Variants in CECR2 observed in about 807,000 individuals in gnomAD.
CECR2 encodes the protein CECR2 histone acetyl-lysine reader, also known as chromatin remodeling regulator CECR2.
A neutral mutation model predicts 154.5 loss-of-function variants in CECR2; 30 were observed. That is an observed-to-expected ratio of 0.19 (90% confidence interval 0.15 to 0.26). The LOEUF (loss-of-function observed/expected upper bound fraction) is 0.26. Ranked by LOEUF, CECR2 falls within the 10% of genes least tolerant of loss-of-function variation. CECR2 has a pLI of 1.00. For missense variants in CECR2, 1,743 were observed against 1,829.3 expected, an observed-to-expected ratio of 0.95 and a Z score of 0.86; for synonymous variants, 725 against 683.7, an observed-to-expected ratio of 1.06 and a Z score of -0.94.
At chr22:17,489,599 G>A (rs2146841295) in intron 2 of CECR2, among the ~76,000 whole-genome samples, 1 of 152,132 alleles carries the variant, frequency 6.6e-6, no homozygotes, top group South Asian at 2.1e-4. Context: ...GGGACTATAG[G>A]TATGCTCCAT....
chr22:17,434,691 T>C (rs1021593161), intron 1 of CECR2, among the ~76,000 whole-genome samples: 2 of 146,988 alleles, frequency 1.4e-5, no homozygotes, highest in Admixed American at 6.8e-5. Context: ...CTGTCTTGTT[T>C]TATGTTCTGT....
chr22:17,435,089 CCT>C (rs2054483200), intron 1 of CECR2, among the ~76,000 whole-genome samples: 1 of 152,116 alleles, frequency 6.6e-6, no homozygotes, highest in African/African-American at 2.4e-5. Context: ...GAGGCAGCCC[CCT>C]GTTAGTGCCA....
At chr22:17,548,015 A>T (rs2056640244) in intron 16 of CECR2, 133 bp from the exon 17 acceptor site, 1 of 807,092 alleles carries the variant, frequency 1.2e-6, no homozygotes, top group Non-Finnish European at 1.9e-6. Context: ...TCTTTCAGGG[A>T]CTCAAACAAT....
intron 16 of CECR2, among the ~76,000 whole-genome samples, chr22:17,546,996 G>A (rs1350956857): frequency 6.9e-5 from 9 of 130,642 alleles, no homozygotes; most frequent in Admixed American, 6.3e-4. Context: ...CCAAGATCAC[G>A]CCACTGCACT....
At position 17,449,608 on chromosome 22, in the gene CECR2, G is replaced by T. The variant is rs190662482; in HGVS notation, c.127-27980G>T. ...AGGTTCACGCCATTCTCCTGCCTCA[G>T]CTTCCCGAGTAGCTGGGACTACAGG... is the stretch of plus-strand genomic sequence containing the variant. On this transcript the variant is annotated intron_variant, in intron 1 of 18. Transcript: ENST00000262608. Among the ~76,000 whole-genome samples the T allele has an allele frequency of 7.5e-5, 11 of 146,472 alleles. No individual in the cohort carries two copies. In the East Asian group the frequency reaches 1.8e-3, roughly 25 times the overall value.
chr22:17,395,914 G>C (rs925245432), intron 1 of CECR2, among the ~76,000 whole-genome samples: 4 of 151,732 alleles, frequency 2.6e-5, no homozygotes, highest in African/African-American at 9.7e-5. Context: ...TCATTCCTGG[G>C]TTCTTTCACT....
rs553245039 is a variant in CECR2, at chr22:17,503,200, C to CT, written c.700+74dup. The CT allele has an allele frequency of 3.6e-4, 518 of 1,425,250 alleles. 1 individual carries two copies. In the African/African-American group the frequency reaches 6.0e-3, roughly 17 times the overall value. 88.3% of individuals were successfully genotyped at this position (1,425,250 alleles called of 1,614,324 possible). A position where few individuals can be genotyped will look rare whatever the true frequency, so the allele number is the denominator to read the frequency against. On this transcript the variant is annotated intron_variant, in intron 6 of 18. Coordinates refer to ENST00000262608, the MANE Select transcript of CECR2 (RefSeq NM_001290047.2). ...ATTCATTTATGCTAGGGTGTTGACT[C>CT]TTTTTCTAGAGTCATACAAAGTAAA...
intron 1 of CECR2, among the ~76,000 whole-genome samples, chr22:17,409,124 G>GTT (rs201779763): frequency 2.7e-5 from 4 of 150,442 alleles, no homozygotes; most frequent in African/African-American, 9.8e-5. Flanking sequence ...TTGTTTTCTT[G>GTT]TTTTTTTTTG....
intron 1 of CECR2, among the ~76,000 whole-genome samples, chr22:17,379,812 A>G (rs1159289728): frequency 1.3e-5 from 2 of 151,976 alleles, no homozygotes; most frequent in Non-Finnish European, 2.9e-5. Context: ...TTGGGGAGCA[A>G]ACGGTATTGT....
chr22:17,439,817 T>G (rs139919466), intron 1 of CECR2, among the ~76,000 whole-genome samples: 3 of 152,290 alleles, frequency 2.0e-5, no homozygotes, highest in Admixed American at 2.0e-4. Flanking sequence ...CTGTGTGGCC[T>G]AAAATGGAGA....
intron 1 of CECR2, chr22:17,477,246 T>C (rs1017082136): frequency 1.5e-6 from 1 of 665,330 alleles, no homozygotes; most frequent in East Asian, 2.7e-5. Context: ...ACAGCACATT[T>C]GTATTTATAC....
intron 1 of CECR2, among the ~76,000 whole-genome samples, chr22:17,375,911 CG>C (rs1436743892): frequency 1.3e-5 from 2 of 151,068 alleles, no homozygotes; most frequent in Admixed American, 1.3e-4. Flanking sequence ...GCTGAGATCG[CG>C]CCATTGCACT....
chr22:17,421,695 A>C (rs2054254570), intron 1 of CECR2, among the ~76,000 whole-genome samples: 1 of 142,900 alleles, frequency 7.0e-6, no homozygotes. Flanking sequence ...CAGGAGGCTG[A>C]GGCAGAAGAA....
In CECR2 at chr22:17,542,563, A is replaced by G; in HGVS notation, c.2420A>G (p.His807Arg). 6.2e-7 allele frequency: 1 copy of G among 1,614,004 alleles called. No individual in the cohort carries two copies. Among genetic ancestry groups the G allele is most frequent in the Non-Finnish European group, 8.5e-7 (1 of 1,179,874 alleles). Residue 807 changes from histidine (H) to arginine (R), a missense_variant, in exon 16 of 19, where the codon CAC becomes CGC. Physicochemically the swap from His to Arg is conservative, Grantham distance 29. This residue lies in a region of CECR2 where 1,250 missense variants were observed against 1,192.1 expected (regional missense o/e 1.05). Coordinates refer to ENST00000262608, the MANE Select transcript of CECR2 (RefSeq NM_001290047.2). ...TCTCACCAGCCTCGCACTCTCGGTCACGTGATGGATTCCCGAGTCATGAGA... is the reference window on the plus strand; with the variant it reads ...TCTCACCAGCCTCGCACTCTCGGTCGCGTGATGGATTCCCGAGTCATGAGA... ...GPSHQPRTLG[H>R]VMDSRVMRPP...
At chr22:17,484,538 T>TC (rs1353599010) in intron 2 of CECR2, among the ~76,000 whole-genome samples, 3 of 151,956 alleles carry the variant, frequency 2.0e-5, no homozygotes, top group African/African-American at 7.2e-5. Flanking sequence ...TAATTTTTTT[T>TC]CCCCACCATT....
At chr22:17,550,061 C>G (rs2056685320) in intron 17 of CECR2, among the ~76,000 whole-genome samples, 1 of 152,030 alleles carries the variant, frequency 6.6e-6, no homozygotes, top group African/African-American at 2.4e-5. Flanking sequence ...CCAACTTTAT[C>G]TTTGAAATTT....
chr22:17,418,247 T>A (rs1375894967), intron 1 of CECR2, among the ~76,000 whole-genome samples: 1 of 152,174 alleles, frequency 6.6e-6, no homozygotes, highest in Non-Finnish European at 1.5e-5. Context: ...TCCTGGAAAA[T>A]AAGTGCAATC....
chr22:17,526,505 A>G (rs990249918), intron 9 of CECR2, among the ~76,000 whole-genome samples: 9 of 152,192 alleles, frequency 5.9e-5, no homozygotes, highest in African/African-American at 2.2e-4. Flanking sequence ...ATAAAATCAA[A>G]GTGGATTAAA....
At chr22:17,448,709 G>A (rs1489661093) in intron 1 of CECR2, among the ~76,000 whole-genome samples, 1 of 152,046 alleles carries the variant, frequency 6.6e-6, no homozygotes, top group Non-Finnish European at 1.5e-5. Context: ...GGTCTTTTGT[G>A]TTGATTCCTT....
Sources: allele counts gnomAD v4.1 joint callset (sites outside exome capture counted in the v4.1 genomes callset), GRCh38; gene constraint gnomAD v4.1.1; regional missense constraint gnomAD v4.1.1; transcripts MANE v1.5; gene names NCBI Gene and HGNC (gene_info 2026-07-23, HGNC 2026-07-21).